CYP2E1: variants seen among roughly 807,000 people sequenced by gnomAD.
CYP2E1 encodes cytochrome P450 2E1.
Under a neutral mutation model 42.9 loss-of-function variants are expected in CYP2E1, and 31 were observed. The observed-to-expected ratio is 0.72, with a 90% confidence interval of 0.54 to 0.98. The LOEUF is 0.98. Ranked by LOEUF, CYP2E1 falls within the 50% of genes least tolerant of loss-of-function variation. The pLI, the probability that CYP2E1 is intolerant of heterozygous loss-of-function variation, is 0.00. For synonymous variants in CYP2E1, 244 were observed against 248.9 expected (o/e 0.98, Z 0.19); for missense variants, 565 against 633.2 (o/e 0.89, Z 1.16).
chr10:133,537,346 C>A (rs1851418667), intron 7 of CYP2E1, 96 bp downstream of exon 7: 8 of 1,302,674 alleles, frequency 6.1e-6, no homozygotes, highest in Non-Finnish European at 8.6e-6. Flanking sequence ...AAGACCCTTC[C>A]CTTTGGCAGG....
chr10:133,531,812 C>T (rs1851341307), intron 3 of CYP2E1, 78 bp downstream of exon 3: 2 of 1,431,916 alleles, frequency 1.4e-6, no homozygotes, highest in Non-Finnish European at 9.4e-7. Flanking sequence ...GACTCCTAGA[C>T]TGCATCTGAA....
At chr10:133,535,190 C>T (rs1170437074) in intron 6 of CYP2E1, among the ~76,000 whole-genome samples, 3 of 151,928 alleles carry the variant, frequency 2.0e-5, no homozygotes, top group South Asian at 2.1e-4. Flanking sequence ...AAAAAGTAGC[C>T]GGGTGTGGTG....
Position 133,532,718 on chromosome 10 carries a change from A to G in CYP2E1, c.675A>G (p.Leu225=), listed in dbSNP as rs1217212396. The G allele has an allele frequency of 1.2e-6, 2 of 1,603,234 alleles. No individual in the cohort carries two copies. Among genetic ancestry groups the G allele is most frequent in the Non-Finnish European group, 1.7e-6 (2 of 1,177,320 alleles). The stretch of plus-strand genomic sequence containing the variant: ...TTTACAATAATTTTCCCAGCTTTCT[A>G]CACTACTTGCCTGGAAGCCACAGAA... ...LQLYNNFPSF[L]HYLPGSHRKV... The change falls in exon 5 of 9, where the codon CTA becomes CTG. Residue 225 remains leucine (L), a synonymous_variant. Coordinates refer to ENST00000252945, the MANE Select transcript of CYP2E1 (RefSeq NM_000773.4).
chr10:133,537,586 C>T, intron 7 of CYP2E1, 165 bp from the exon 8 acceptor site: 2 of 636,502 alleles, frequency 3.1e-6, no homozygotes, highest in South Asian at 4.2e-5. Flanking sequence ...TAGACCTGAC[C>T]CCTGACTGCT....
Position 133,537,213 on chromosome 10 carries a change from C to A in CYP2E1, c.1118C>A (p.Thr373Asn). 6.2e-7 allele frequency: 1 copy of A among 1,614,018 alleles called. No homozygotes were observed. Among genetic ancestry groups the A allele is most frequent in the South Asian group, 1.1e-5 (1 of 91,078 alleles). The change falls in exon 7 of 9, where the codon ACC (threonine) becomes AAC (asparagine). Residue 373 changes from threonine to asparagine, a missense_variant. Thr to Asn is a moderately conservative substitution (Grantham distance 65). Coordinates refer to ENST00000252945, the MANE Select transcript of CYP2E1 (RefSeq NM_000773.4). The part of the protein sequence containing the change: ...LVPSNLPHEA[T>N]RDTIFRGYLI... ...CCCTCCAACCTGCCCCATGAAGCAACCCGAGACACCATTTTCAGAGGATAC... is the reference window on the plus strand; with the variant it reads ...CCCTCCAACCTGCCCCATGAAGCAAACCGAGACACCATTTTCAGAGGATAC...
Position 133,537,686 on chromosome 10 carries a change from G to A in CYP2E1, c.1156-65G>A. 2.9e-6 allele frequency: 4 copies of A among 1,372,510 alleles called. No individual in the cohort carries two copies. In the African/African-American group the frequency reaches 5.7e-5, roughly 20 times the overall value. The allele number at this position is 1,372,510 out of a possible 1,614,324, so 85.0% of individuals were successfully genotyped here. Reference sequence around the variant, plus strand: ...ATTCAAAACTACATTCTTCACTGGGGGTTTCCAGATGAAAGCCCACATTTT... The same window carrying A: ...ATTCAAAACTACATTCTTCACTGGGAGTTTCCAGATGAAAGCCCACATTTT... On this transcript the variant is annotated intron_variant, in intron 7 of 8. Transcript: ENST00000252945.
rs201167793 is a variant in CYP2E1, at chr10:133,532,129, C to T, written c.493C>T (p.Pro165Ser). The T allele has an allele frequency of 1.9e-6, 3 of 1,613,010 alleles. No individual in the cohort carries two copies. The highest frequency in any genetic ancestry group is 1.1e-5 in the South Asian group (1 of 91,004). The part of the protein sequence containing the change: ...LEALRKTQGQ[P>S]FDPTFLIGCA... ...CCTGACTGCCTGTTTTGTAGGCCAG[C>T]CTTTCGACCCCACCTTCCTCATCGG... Residue 165 changes from proline (P) to serine (S), a missense_variant, in exon 4 of 9, where the codon CCT (proline) becomes TCT (serine). Coordinates refer to ENST00000252945, the MANE Select transcript of CYP2E1 (RefSeq NM_000773.4).
chr10:133,528,345 G>T, intron 1 of CYP2E1, 136 bp from the exon 2 acceptor site: 2 of 1,070,198 alleles, frequency 1.9e-6, no homozygotes, highest in Non-Finnish European at 2.7e-6. Context: ...CCTCGGGCTG[G>T]ACAAAGACAG....
rs1381670040 is a variant in CYP2E1 at position 133,528,559 on chromosome 10, G to T, written c.256G>T (p.Val86Leu). ...GGTGGTGATGCACGGCTACAAGGCGGTGAAGGAAGCGCTGCTGGACTACAA... is the reference window on the plus strand; with the variant it reads ...GGTGGTGATGCACGGCTACAAGGCGTTGAAGGAAGCGCTGCTGGACTACAA... ...RMVVMHGYKA[V>L]KEALLDYKDE... The change falls in exon 2 of 9, where the codon GTG (valine) becomes TTG (leucine). Residue 86 changes from valine to leucine, a missense_variant. Val to Leu is a conservative substitution (Grantham distance 32). Coordinates refer to ENST00000252945, the MANE Select transcript of CYP2E1 (RefSeq NM_000773.4). 1 of 1,613,554 alleles carries T rather than the reference G, an allele frequency of 6.2e-7. No homozygotes were observed. Among genetic ancestry groups the T allele is most frequent in the Non-Finnish European group, 8.5e-7 (1 of 1,179,974 alleles).
chr10:133,537,250 G>A lies in CYP2E1; in HGVS notation c.1155G>A (p.Lys385=). The change falls in exon 7 of 9, where the codon AAG becomes AAA. Residue 385 remains lysine, a splice_region_variant and synonymous_variant. Transcript: ENST00000252945. The part of the protein sequence containing the change: ...DTIFRGYLIP[K]GTVVVPTLDS... ...TTTTCAGAGGATACCTCATCCCCAA[G>A]GTTAAGCAATGAGCCTGCAGCACAC... 6.2e-7 allele frequency: 1 copy of A among 1,613,432 alleles called. No individual in the cohort carries two copies. Among genetic ancestry groups the A allele is most frequent in the Non-Finnish European group, 8.5e-7 (1 of 1,179,638 alleles).
chr10:133,527,458 C>T lies in CYP2E1; in HGVS notation c.63C>T (p.Ser21=), dbSNP rs1466245318. Residue 21 remains serine, a synonymous_variant, in exon 1 of 9, where the codon TCC becomes TCT. Coordinates refer to ENST00000252945, the MANE Select transcript of CYP2E1 (RefSeq NM_000773.4). ...GGGCGGCCTTCCTCCTGCTGGTGTC[C>T]ATGTGGAGGCAGGTGCACAGCAGCT... ...LVWAAFLLLV[S]MWRQVHSSWN... 6.2e-7 allele frequency: 1 copy of T among 1,613,692 alleles called. No individual in the cohort carries two copies. Among genetic ancestry groups the T allele is most frequent in the Admixed American group, 1.7e-5 (1 of 60,030 alleles).
intron 6 of CYP2E1, among the ~76,000 whole-genome samples, chr10:133,535,131 C>T (rs567204885): frequency 2.6e-5 from 4 of 152,004 alleles, no homozygotes; most frequent in South Asian, 2.1e-4. Flanking sequence ...GTCAGGAGTT[C>T]GAGACCTTCC....
At position 133,537,231 on chromosome 10, in the gene CYP2E1, G is replaced by A; in HGVS notation, c.1136G>A (p.Arg379Lys). The change falls in exon 7 of 9, where the codon AGA becomes AAA. Residue 379 changes from arginine (R) to lysine (K), a missense_variant. Transcript: ENST00000252945. ...PHEATRDTIF[R>K]GYLIPKGTVV... ...GAAGCAACCCGAGACACCATTTTCA[G>A]AGGATACCTCATCCCCAAGGTTAAG... 18 of 1,613,950 alleles carry A rather than the reference G, an allele frequency of 1.1e-5. No homozygotes were observed. The highest frequency in any genetic ancestry group is 1.5e-5 in the Non-Finnish European group (18 of 1,179,922).
At position 133,537,110 on chromosome 10, in the gene CYP2E1, C is replaced by G; in HGVS notation, c.1015C>G (p.Pro339Ala). Reference sequence around the variant, plus strand: ...CAGGGTGATTGGGCCAAGCCGAATCCCTGCCATCAAGGATAGGCAAGAGAT... The same window carrying G: ...CAGGGTGATTGGGCCAAGCCGAATCGCTGCCATCAAGGATAGGCAAGAGAT... ...IDRVIGPSRI[P>A]AIKDRQEMPY... The change falls in exon 7 of 9, where the codon CCT (proline) becomes GCT (alanine). Residue 339 changes from proline (P) to alanine (A), a missense_variant. Pro to Ala is a conservative substitution (Grantham distance 27). Transcript: ENST00000252945. 3 of 1,613,940 alleles carry G rather than the reference C, an allele frequency of 1.9e-6. No individual in the cohort carries two copies. The highest frequency in any genetic ancestry group is 2.5e-6 in the Non-Finnish European group (3 of 1,179,906).
Position 133,538,767 on chromosome 10 carries a change from T to C in CYP2E1, c.1298-13T>C, listed in dbSNP as rs772207645. On this transcript the variant is annotated splice_polypyrimidine_tract_variant and intron_variant, in intron 8 of 8. Coordinates refer to ENST00000252945, the MANE Select transcript of CYP2E1 (RefSeq NM_000773.4). The stretch of plus-strand genomic sequence containing the variant: ...CTCCCTCAGTGTCTCATCAATACCA[T>C]TGTTACTTCTAGGAAAACGAGTGTG... 2 of 1,612,086 alleles carry C rather than the reference T, an allele frequency of 1.2e-6. No homozygotes were observed. The highest frequency in any genetic ancestry group is 2.2e-5 in the South Asian group (2 of 90,886).
intron 8 of CYP2E1, 83 bp from the exon 9 acceptor site, chr10:133,538,697 C>T: frequency 7.9e-7 from 1 of 1,273,278 alleles, no homozygotes; most frequent in Non-Finnish European, 1.1e-6. Context: ...CCTCCTCCTC[C>T]CCGCTTCCCC....
intron 5 of CYP2E1, among the ~76,000 whole-genome samples, chr10:133,533,327 A>G (rs1020621398): frequency 6.6e-6 from 1 of 151,970 alleles, no homozygotes; most frequent in Non-Finnish European, 1.5e-5. Context: ...GTCCTTTCCT[A>G]TGGCTTGTGG....
chr10:133,527,640 C>A, intron 1 of CYP2E1, 68 bp downstream of exon 1: 1 of 1,302,578 alleles, frequency 7.7e-7, no homozygotes, highest in Non-Finnish European at 1.1e-6. Context: ...GTGTATTCAA[C>A]TCATTTGCAG....
At chr10:133,533,663 C>A in intron 5 of CYP2E1, 93 bp from the exon 6 acceptor site, 1 of 1,400,308 alleles carries the variant, frequency 7.1e-7, no homozygotes, top group Non-Finnish European at 9.9e-7. Flanking sequence ...TGGACACTGT[C>A]TCCTGTGTCC....
Sources: gnomAD v4.1 joint callset for allele counts (sites outside exome capture counted in the v4.1 genomes callset) on GRCh38, gnomAD v4.1.1 for gene constraint, MANE v1.5 for transcripts, NCBI Gene and HGNC (gene_info 2026-07-23, HGNC 2026-07-21) for gene names.